Variants in SRRM4 observed in about 807,000 individuals in gnomAD.
SRRM4 encodes the protein serine/arginine repetitive matrix 4, also known as serine/arginine repetitive matrix protein 4.
Under a neutral mutation model 68.9 loss-of-function variants are expected in SRRM4, and 33 were observed. That is an observed-to-expected ratio of 0.48 (90% CI 0.36 to 0.64). SRRM4 has a LOEUF of 0.64. SRRM4 is among the 30% of genes least tolerant of loss of function. The pLI, the probability that SRRM4 is intolerant of heterozygous loss-of-function variation, is 0.00. For synonymous variants in SRRM4, 318 were observed against 318.8 expected (o/e 1.00, Z 0.03); for missense variants, 817 against 827.1 (o/e 0.99, Z 0.15).
chr12:119,046,069 AATTATT>A (rs1953705753), intron 1 of SRRM4, among the ~76,000 whole-genome samples: 1 of 150,958 alleles, frequency 6.6e-6, no homozygotes, highest in Non-Finnish European at 1.5e-5. Context: ...AAATAATAAT[AATTATT>A]ATTATTAACA....
At chr12:119,141,299 G>A (rs1229168117) in intron 8 of SRRM4, among the ~76,000 whole-genome samples, 1 of 152,170 alleles carries the variant, frequency 6.6e-6, no homozygotes, top group Non-Finnish European at 1.5e-5. Context: ...TGTTTAAGGT[G>A]ATGGATATCT....
At chr12:118,986,819 C>G (rs1356826003) in intron 1 of SRRM4, among the ~76,000 whole-genome samples, 1 of 152,102 alleles carries the variant, frequency 6.6e-6, no homozygotes, top group African/African-American at 2.4e-5. Context: ...ACCCTAACTC[C>G]TTTAATAGGG....
chr12:119,104,822 T>A (rs73213733), intron 2 of SRRM4, among the ~76,000 whole-genome samples: 6,301 of 152,132 alleles, frequency 0.041, 149 homozygotes, highest in African/African-American at 0.059. Context: ...CTTTTTTTTT[T>A]AATTTTTTTT....
intron 1 of SRRM4, among the ~76,000 whole-genome samples, chr12:119,088,573 G>A (rs961481917): frequency 3.3e-5 from 5 of 152,058 alleles, no homozygotes; most frequent in South Asian, 4.2e-4. Flanking sequence ...GGCTTAAATA[G>A]TTGAAGGACT....
chr12:119,016,820 G>C (rs980995239), intron 1 of SRRM4, among the ~76,000 whole-genome samples: 1 of 152,314 alleles, frequency 6.6e-6, no homozygotes, highest in South Asian at 2.1e-4. Context: ...GAATGACAGG[G>C]TAGCATACTG....
chr12:119,019,688 G>A (rs1341507947), intron 1 of SRRM4, among the ~76,000 whole-genome samples: 1 of 152,070 alleles, frequency 6.6e-6, no homozygotes, highest in Non-Finnish European at 1.5e-5. Flanking sequence ...CGGGCTCCCT[G>A]GGATTAAACT....
At chr12:119,130,085 T>C (rs1218602588) in intron 7 of SRRM4, among the ~76,000 whole-genome samples, 1 of 141,710 alleles carries the variant, frequency 7.1e-6, no homozygotes, top group Non-Finnish European at 1.5e-5. Flanking sequence ...GGTTGGATGA[T>C]TGGATGGACG....
chr12:119,104,420 A>T lies in SRRM4; in HGVS notation c.278+2038A>T, dbSNP rs1056284426. Among the ~76,000 whole-genome samples the T allele has an allele frequency of 3.3e-5, 5 of 150,572 alleles. No individual in the cohort carries two copies. The Admixed American group carries it at 3.4e-4, about 10-fold the overall frequency. ...CTGATGTGACAAAACCACAATAATG[A>T]TGATAATAATAATAACAGTGATAAT... On this transcript the variant is annotated intron_variant, in intron 2 of 12. Transcript: ENST00000267260.
rs1229775918 is a variant in SRRM4 at position 119,162,966 on chromosome 12, C to T, written c.*6168C>T. The T allele has an allele frequency of 6.6e-6, 1 of 152,268 alleles. No individual in the cohort carries two copies. Among genetic ancestry groups the T allele is most frequent in the East Asian group, 1.9e-4 (1 of 5,200 alleles). The allele number at this position is 152,268 out of a possible 1,614,324, so 9.4% of individuals were successfully genotyped here. On this transcript the variant is annotated 3_prime_UTR_variant, in exon 13 of 13. Coordinates refer to ENST00000267260, the MANE Select transcript of SRRM4 (RefSeq NM_194286.4). ...TTGATTTCTGGTCTCCAAAGCTAAG[C>T]ATAACCTTCCCGGGGTTTCTGGTTT... is the stretch of plus-strand genomic sequence containing the variant.
intron 1 of SRRM4, among the ~76,000 whole-genome samples, chr12:119,084,983 C>T (rs369218456): frequency 1.3e-5 from 2 of 152,328 alleles, no homozygotes; most frequent in African/African-American, 2.4e-5. Context: ...TCACTGCAAC[C>T]TTCGCCTCCT....
chr12:119,116,574 G>A (rs78669364), intron 3 of SRRM4, among the ~76,000 whole-genome samples: 2 of 152,272 alleles, frequency 1.3e-5, no homozygotes, highest in East Asian at 3.9e-4. Context: ...CTTCCTAGCT[G>A]TGTGTCTTTA....
At chr12:119,127,123 T>A (rs1592909037) in intron 7 of SRRM4, among the ~76,000 whole-genome samples, 4 of 150,062 alleles carry the variant, frequency 2.7e-5, no homozygotes, top group South Asian at 2.2e-4. Context: ...GATGAGTTAG[T>A]GGGTGCAGCA....
Position 119,140,357 on chromosome 12 carries a change from A to G in SRRM4, c.772-5024A>G, listed in dbSNP as rs1954357133. 2.7e-5 allele frequency among the ~76,000 whole-genome samples: 4 copies of G among 150,232 alleles called. No individual in the cohort carries two copies. In the South Asian group the frequency reaches 8.5e-4, roughly 32 times the overall value. On this transcript the variant is annotated intron_variant, in intron 8 of 12. Coordinates refer to ENST00000267260, the MANE Select transcript of SRRM4 (RefSeq NM_194286.4). ...CATGCCATTGCACTCCAGCCTGGGCAACAGAGCGAGACTCTGTCTCAAAAA... is the reference window on the plus strand; with the variant it reads ...CATGCCATTGCACTCCAGCCTGGGCGACAGAGCGAGACTCTGTCTCAAAAA...
chr12:118,983,892 T>C (rs1385014710), intron 1 of SRRM4, among the ~76,000 whole-genome samples: 1 of 152,192 alleles, frequency 6.6e-6, no homozygotes, highest in Non-Finnish European at 1.5e-5. Context: ...ACTTTTATAA[T>C]ACTCCACTCC....
chr12:119,075,445 GATGATGGTGAT>G (rs1953903232), intron 1 of SRRM4, among the ~76,000 whole-genome samples: 2 of 149,178 alleles, frequency 1.3e-5, no homozygotes, highest in African/African-American at 5.0e-5. Flanking sequence ...TGATGGTGAT[GATGATGGTGAT>G]GATGGTGATG....
chr12:119,087,400 G>A (rs1282363392), intron 1 of SRRM4, among the ~76,000 whole-genome samples: 1 of 152,226 alleles, frequency 6.6e-6, no homozygotes, highest in Admixed American at 6.5e-5. Flanking sequence ...AGTGGAAACA[G>A]GGCCTTTTGC....
At chr12:118,984,973 G>A (rs1345986973) in intron 1 of SRRM4, among the ~76,000 whole-genome samples, 1 of 152,200 alleles carries the variant, frequency 6.6e-6, no homozygotes, top group African/African-American at 2.4e-5. Context: ...TCAGACAACA[G>A]GTTGTAAGGA....
intron 1 of SRRM4, among the ~76,000 whole-genome samples, chr12:119,093,035 T>C (rs1954023432): frequency 6.6e-6 from 1 of 152,206 alleles, no homozygotes; most frequent in Admixed American, 6.6e-5. Flanking sequence ...TGCTCAAGGC[T>C]CACTCCCTCA....
At chr12:119,116,520 T>C (rs1163597223) in intron 3 of SRRM4, among the ~76,000 whole-genome samples, 1 of 152,108 alleles carries the variant, frequency 6.6e-6, no homozygotes, top group African/African-American at 2.4e-5. Flanking sequence ...TGTGAGGTGC[T>C]ATGGTGACTG....
Sources: gnomAD v4.1 joint callset for allele counts (sites outside exome capture counted in the v4.1 genomes callset) on GRCh38, gnomAD v4.1.1 for gene constraint, MANE v1.5 for transcripts, NCBI Gene and HGNC (gene_info 2026-07-23, HGNC 2026-07-21) for gene names.